IFT46: variants seen among roughly 807,000 people sequenced by gnomAD.
The protein encoded by IFT46 is intraflagellar transport protein 46 homolog.
In IFT46, 19 loss-of-function variants were observed where a neutral mutation model predicts 39.6. That is an observed-to-expected ratio of 0.48 (90% CI 0.33 to 0.70). The LOEUF (loss-of-function observed/expected upper bound fraction) is 0.70, where lower values mean the gene tolerates loss of function less well. Ranked by LOEUF, IFT46 falls within the 30% of genes least tolerant of loss-of-function variation. IFT46 has a pLI of 0.01. For synonymous variants in IFT46, 117 were observed against 134.8 expected (o/e 0.87, Z 0.91); for missense variants, 334 against 364.8 (o/e 0.92, Z 0.69).
chr11:118,546,943 T>C (rs1951701435), intron 9 of IFT46: 1 of 152,208 alleles, frequency 6.6e-6, no homozygotes, highest in African/African-American at 2.4e-5. Context: ...TTTCTCTTTT[T>C]ACAAAAAACA....
chr11:118,550,991 A>G (rs1555068318), intron 9 of IFT46, among the ~76,000 whole-genome samples: 1 of 150,328 alleles, frequency 6.7e-6, no homozygotes, highest in Non-Finnish European at 1.5e-5. Flanking sequence ...AGATCATGCC[A>G]CTGCACTCCA....
chr11:118,576,485 T>C (rs1240882394), upstream of IFT46, among the ~76,000 whole-genome samples: 1 of 149,992 alleles, frequency 6.7e-6, no homozygotes, highest in Non-Finnish European at 1.5e-5. Flanking sequence ...TAATTCTTCC[T>C]CAGAGAAAAT....
chr11:118,556,370 G>A (rs1565348414), intron 4 of IFT46, among the ~76,000 whole-genome samples: 1 of 152,070 alleles, frequency 6.6e-6, no homozygotes, highest in Non-Finnish European at 1.5e-5. Context: ...GCGGGCACCT[G>A]TAGTCCCAGC....
chr11:118,565,981 G>C (rs1938215865), upstream of IFT46: 1 of 152,140 alleles, frequency 6.6e-6, no homozygotes, highest in African/African-American at 2.4e-5. Flanking sequence ...GACCTCCTGC[G>C]CGTTAAGCCT....
At chr11:118,555,672 A>G (rs1937806656) in intron 4 of IFT46, 1 of 206,584 alleles carries the variant, frequency 4.8e-6, no homozygotes, top group South Asian at 7.5e-5. Context: ...CTGTAATCCC[A>G]GCACTTTTGG....
At chr11:118,554,918 G>A (rs1937775688) in intron 6 of IFT46, 72 bp downstream of exon 6, 3 of 1,140,208 alleles carry the variant, frequency 2.6e-6, no homozygotes, top group East Asian at 2.4e-5. Context: ...AGAAATTAGG[G>A]AAACTGTTAA....
chr11:118,559,096 G>C (rs1370409489), intron 3 of IFT46, among the ~76,000 whole-genome samples: 1 of 151,774 alleles, frequency 6.6e-6, no homozygotes, highest in Non-Finnish European at 1.5e-5. Context: ...TCAAACTCCT[G>C]ACCTCAGGTG....
At position 118,546,069 on chromosome 11, in the gene IFT46, A is replaced by G. The variant is rs146861823; in HGVS notation, c.673-216T>C. The stretch of plus-strand genomic sequence containing the variant: ...TCTTTAAAGAGATAATTAAATTAAA[A>G]CAAGGTCATTAGGGTGGGCCTTAAT... On this transcript the variant is annotated intron_variant, in intron 9 of 11. Coordinates refer to ENST00000264021, the MANE Select transcript of IFT46 (RefSeq NM_001168618.2). 789 of 714,554 alleles carry G rather than the reference A, an allele frequency of 1.1e-3. 6 individuals carry two copies. Among genetic ancestry groups the G allele is most frequent in the African/African-American group, 0.011 (614 of 56,910 alleles). The allele number at this position is 714,554 out of a possible 1,614,324, so 44.3% of individuals were successfully genotyped here. A position where few individuals can be genotyped will look rare whatever the true frequency, so the allele number is the denominator to read the frequency against.
intron 7 of IFT46, among the ~76,000 whole-genome samples, chr11:118,553,516 T>C (rs1248086141): frequency 6.6e-6 from 1 of 151,870 alleles, no homozygotes; most frequent in African/African-American, 2.4e-5. Flanking sequence ...AAAGTATTGA[T>C]GAGGATGTAG....
Position 118,554,592 on chromosome 11 carries a change from T to C in IFT46, c.355-5A>G. 1 of 1,586,210 alleles carries C rather than the reference T, an allele frequency of 6.3e-7. No homozygotes were observed. Among genetic ancestry groups the C allele is most frequent in the South Asian group, 1.2e-5 (1 of 85,880 alleles). ...CTTTCCATCAGGACGTGGGACCTGG[T>C]TAAGAAAAAGGTAAGAAAGCAGAAA... is the stretch of plus-strand genomic sequence containing the variant. On this transcript the variant is annotated splice_polypyrimidine_tract_variant and splice_region_variant and intron_variant, in intron 6 of 11. Transcript: ENST00000264021.
chr11:118,546,301 C>G, intron 9 of IFT46: 1 of 617,478 alleles, frequency 1.6e-6, no homozygotes, highest in South Asian at 2.0e-5. Context: ...AGTTCGAGAC[C>G]AGCCTGGGCA....
intron 9 of IFT46, among the ~76,000 whole-genome samples, chr11:118,548,885 C>T (rs1442291192): frequency 6.7e-6 from 1 of 150,116 alleles, no homozygotes; most frequent in Non-Finnish European, 1.5e-5. Context: ...CCTCCCACTC[C>T]ATTATGACTT....
At chr11:118,554,052 CTTTTT>C (rs782067203) in intron 7 of IFT46, among the ~76,000 whole-genome samples, 1 of 138,832 alleles carries the variant, frequency 7.2e-6, no homozygotes, top group Non-Finnish European at 1.6e-5. Context: ...ATAACCATCT[CTTTTT>C]TTTTTTTTTT....
At chr11:118,561,583 CAAACAAT>C in intron 2 of IFT46, 1 of 593,068 alleles carries the variant, frequency 1.7e-6, no homozygotes, top group South Asian at 1.9e-5. Context: ...AGAGCTAAAC[CAAACAAT>C]TTTCTATAAA....
At chr11:118,552,777 C>T (rs782604513) in intron 7 of IFT46, among the ~76,000 whole-genome samples, 3 of 147,742 alleles carry the variant, frequency 2.0e-5, no homozygotes, top group Non-Finnish European at 4.5e-5. Context: ...TAGGCAAGAG[C>T]GAGATCCTGT....
chr11:118,560,579 A>G (rs1229118959), intron 2 of IFT46: 6 of 327,830 alleles, frequency 1.8e-5, no homozygotes, highest in African/African-American at 6.4e-5. Flanking sequence ...ATTCATACTA[A>G]GAGTGGGTTT....
chr11:118,567,309 G>A (rs569700382), upstream of IFT46, among the ~76,000 whole-genome samples: 3 of 152,170 alleles, frequency 2.0e-5, no homozygotes, highest in South Asian at 6.2e-4. Context: ...GGGCACGGTG[G>A]CTCACGCCTG....
chr11:118,552,455 G>A lies in IFT46; in HGVS notation c.484-120C>T, dbSNP rs111684124. ...GCTTGCTGATGACAGCTGCTGCCAC[G>A]TGAAACAGTAGCCAAATGAAGGGGA... On this transcript the variant is annotated intron_variant, in intron 7 of 11. Coordinates refer to ENST00000264021, the MANE Select transcript of IFT46 (RefSeq NM_001168618.2). 3.6e-3 allele frequency: 4,326 copies of A among 1,197,674 alleles called. 118 individuals carry two copies. The African/African-American group carries it at 0.053, about 15-fold the overall frequency. 74.2% of individuals were successfully genotyped at this position (1,197,674 alleles called of 1,614,324 possible).
chr11:118,547,800 G>A (rs2135475815), intron 9 of IFT46, among the ~76,000 whole-genome samples: 2 of 139,096 alleles, frequency 1.4e-5, no homozygotes, highest in Middle Eastern at 7.8e-3. Flanking sequence ...AGGCTGGAGT[G>A]TAGTGGCGCT....
Sources: gnomAD v4.1 joint callset for allele counts (sites outside exome capture counted in the v4.1 genomes callset) on GRCh38, gnomAD v4.1.1 for gene constraint, MANE v1.5 for transcripts, NCBI Gene and HGNC (gene_info 2026-07-23, HGNC 2026-07-21) for gene names.